CFAP97D2: variants seen among roughly 807,000 people sequenced by gnomAD.
CFAP97D2 encodes CFAP97 domain containing 2.
intron 4 of CFAP97D2, chr13:114,214,054 G>A (rs1259909193): frequency 2.0e-5 from 3 of 151,852 alleles, no homozygotes; most frequent in Non-Finnish European, 2.9e-5. Flanking sequence ...AACCCTGAAC[G>A]AGCTTCAGAA....
chr13:114,182,000 GTA>G (rs1480274751), intron 1 of CFAP97D2, among the ~76,000 whole-genome samples: 2 of 152,098 alleles, frequency 1.3e-5, no homozygotes, highest in African/African-American at 4.8e-5. Context: ...CAGAGACAAA[GTA>G]TAGAGAAATA....
intron 1 of CFAP97D2, among the ~76,000 whole-genome samples, chr13:114,181,439 AT>A (rs1317226250): frequency 1.3e-5 from 2 of 152,098 alleles, no homozygotes; most frequent in Non-Finnish European, 2.9e-5. Context: ...GGTAGGGCTC[AT>A]TTAGGACAAA....
chr13:114,206,059 AATGCCAGAG>A (rs1442774874), intron 3 of CFAP97D2, among the ~76,000 whole-genome samples: 1 of 151,988 alleles, frequency 6.6e-6, no homozygotes, highest in Non-Finnish European at 1.5e-5. Flanking sequence ...TTTCAGCTCA[AATGCCAGAG>A]ACATTTGCCA....
intron 4 of CFAP97D2, chr13:114,212,355 T>C (rs2080970932): frequency 3.2e-6 from 1 of 312,472 alleles, no homozygotes; most frequent in Non-Finnish European, 5.8e-6. Context: ...AGCTGATTGA[T>C]TGTAGATTGT....
chr13:114,194,106 C>A (rs1223822737), intron 1 of CFAP97D2, among the ~76,000 whole-genome samples: 1 of 152,184 alleles, frequency 6.6e-6, no homozygotes, highest in Non-Finnish European at 1.5e-5. Flanking sequence ...CTTGCCAGTG[C>A]AAAGCTTTTC....
rs1249717296 is a variant in CFAP97D2, at chr13:114,185,598, C to T, written c.90+6178C>T. Among the ~76,000 whole-genome samples the T allele has an allele frequency of 6.6e-6, 1 of 152,226 alleles. No individual in the cohort carries two copies. Among genetic ancestry groups the T allele is most frequent in the Non-Finnish European group, 1.5e-5 (1 of 68,036 alleles). On this transcript the variant is annotated intron_variant, in intron 1 of 4. Coordinates refer to ENST00000646158, the Ensembl canonical transcript of CFAP97D2. This position sits in a 1 kb window ranked among gnomAD's most constrained non-coding sequence, Gnocchi z 5.2. ...CCCAGGAAGGCCCCCTGTCTCCCCG[C>T]AGGCTCAGAAGTGCCTGCTCCCACT... is the stretch of plus-strand genomic sequence containing the variant.
rs187453198 is a variant in CFAP97D2, at chr13:114,211,550, C to T, written c.291-362C>T. Among the ~76,000 whole-genome samples the T allele has an allele frequency of 6.0e-5, 9 of 150,854 alleles. No individual in the cohort carries two copies. The highest frequency in any genetic ancestry group is 8.8e-5 in the Non-Finnish European group (6 of 67,934). ...TCTCCGCCATGGGTGCCCGGGTGCT[C>T]GCCCTCCCTGCCTGGGACCCCACTC... On this transcript the variant is annotated intron_variant, in intron 3 of 4. Coordinates refer to ENST00000646158, the Ensembl canonical transcript of CFAP97D2. This position sits in a 1 kb window ranked among gnomAD's most constrained non-coding sequence, Gnocchi z 4.2.
intron 3 of CFAP97D2, among the ~76,000 whole-genome samples, chr13:114,208,176 C>A (rs1187000213): frequency 3.3e-5 from 5 of 152,176 alleles, no homozygotes; most frequent in Admixed American, 6.6e-5. Context: ...AACTCCTGTG[C>A]CTTTCTTGTA....
rs555221312 is a variant in CFAP97D2, at chr13:114,207,992, C to T, written c.291-3920C>T. Among the ~76,000 whole-genome samples, 11 of 152,252 alleles carry T rather than the reference C, an allele frequency of 7.2e-5. No individual in the cohort carries two copies. The highest frequency in any genetic ancestry group is 2.6e-4 in the African/African-American group (11 of 41,546). On this transcript the variant is annotated intron_variant, in intron 3 of 4. Transcript: ENST00000646158. This position sits in a 1 kb window ranked among gnomAD's most constrained non-coding sequence, Gnocchi z 4.9. ...CAATGCATCTCCTTGGGTCACTCGG[C>T]AGTTTCAACATTCCATGGAGCTGGT...
At chr13:114,204,702 T>C (rs1219540959) in intron 3 of CFAP97D2, among the ~76,000 whole-genome samples, 1 of 152,126 alleles carries the variant, frequency 6.6e-6, no homozygotes, top group Non-Finnish European at 1.5e-5. Flanking sequence ...AAGGCCTAAA[T>C]GTAAGAACTA....
intron 4 of CFAP97D2, among the ~76,000 whole-genome samples, chr13:114,213,746 A>AC (rs1219661113): frequency 3.6e-5 from 5 of 138,882 alleles, no homozygotes; most frequent in African/African-American, 5.5e-5. Context: ...AGGACCACAG[A>AC]CCCCATCCCT....
chr13:114,208,854 C>G (rs2080953531), intron 3 of CFAP97D2, among the ~76,000 whole-genome samples: 1 of 152,188 alleles, frequency 6.6e-6, no homozygotes, highest in Non-Finnish European at 1.5e-5. Context: ...GAAGCCTGGA[C>G]AAGAACCCCT....
chr13:114,195,929 A>AC (rs1555349795), intron 1 of CFAP97D2, among the ~76,000 whole-genome samples: 15 of 151,746 alleles, frequency 9.9e-5, no homozygotes, highest in African/African-American at 3.4e-4. Context: ...AAAAAAAAAA[A>AC]AAAACTAGCT....
intron 2 of CFAP97D2, among the ~76,000 whole-genome samples, chr13:114,198,001 G>GT (rs780242110): frequency 1.3e-5 from 2 of 151,700 alleles, no homozygotes; most frequent in African/African-American, 4.8e-5. Context: ...TTTTTATTTT[G>GT]TTTTTTAGAC....
intron 1 of CFAP97D2, among the ~76,000 whole-genome samples, chr13:114,184,595 G>C (rs117448610): frequency 0.012 from 1,769 of 152,176 alleles, 97 homozygotes; most frequent in Admixed American, 0.081. Context: ...AGTGTCCAGA[G>C]GAAGGGAAGC....
intron 1 of CFAP97D2, among the ~76,000 whole-genome samples, chr13:114,181,153 C>T (rs1243282846): frequency 1.3e-5 from 2 of 152,182 alleles, no homozygotes; most frequent in African/African-American, 4.8e-5. Context: ...GGGTGTCTGA[C>T]CTGGAGGGGA....
Position 114,209,319 on chromosome 13 carries a change from G to T in CFAP97D2, c.291-2593G>T, listed in dbSNP as rs538500231. The stretch of plus-strand genomic sequence containing the variant: ...AAAGAAAGAGAAGACTTAATTGGAT[G>T]ACATCAATTTGCACAATAACACGAG... On this transcript the variant is annotated intron_variant, in intron 3 of 4. Coordinates refer to ENST00000646158, the Ensembl canonical transcript of CFAP97D2. Among the ~76,000 whole-genome samples the T allele has an allele frequency of 3.3e-5, 5 of 152,146 alleles. No homozygotes were observed. The South Asian group carries it at 1.0e-3, about 32-fold the overall frequency.
At chr13:114,209,927 T>C (rs2080959599) in intron 3 of CFAP97D2, among the ~76,000 whole-genome samples, 1 of 152,236 alleles carries the variant, frequency 6.6e-6, no homozygotes, top group Non-Finnish European at 1.5e-5. Flanking sequence ...GACTTCCCAG[T>C]TGCTCAATTT....
intron 1 of CFAP97D2, among the ~76,000 whole-genome samples, chr13:114,190,106 C>T (rs184821065): frequency 7.9e-5 from 12 of 152,086 alleles, no homozygotes; most frequent in African/African-American, 2.9e-4. Flanking sequence ...TGCATCACTG[C>T]ACTCCAACCT....
Sources: allele counts gnomAD v4.1 joint callset (sites outside exome capture counted in the v4.1 genomes callset), GRCh38; gene constraint gnomAD v4.1.1; non-coding constraint Gnocchi (gnomAD v3.1); transcripts MANE v1.5; gene names NCBI Gene and HGNC (gene_info 2026-07-23, HGNC 2026-07-21).